OGA: variants seen among roughly 807,000 people sequenced by gnomAD.
OGA encodes the protein O-GlcNAcase.
Under a neutral mutation model 102.0 loss-of-function variants are expected in OGA, and 21 were observed. The observed-to-expected ratio is 0.21, with a 90% CI of 0.15 to 0.30. OGA has a LOEUF of 0.30. Ranked by LOEUF, OGA falls within the 10% of genes least tolerant of loss-of-function variation. The pLI is 1.00. For synonymous variants in OGA, 408 were observed against 378.2 expected, an observed-to-expected ratio of 1.08 and a Z score of -0.91; for missense variants, 765 against 1,107.8, an observed-to-expected ratio of 0.69 and a Z score of 4.39.
At chr10:101,813,700 A>G in intron 1 of OGA, 94 bp from the exon 2 acceptor site, 2 of 674,782 alleles carry the variant, frequency 3.0e-6, no homozygotes, top group South Asian at 4.6e-5. Context: ...ATACAATCCT[A>G]TTTTGTAAAA....
intron 7 of OGA, among the ~76,000 whole-genome samples, chr10:101,802,400 G>A (rs1438711859): frequency 7.9e-5 from 12 of 152,050 alleles, no homozygotes; most frequent in African/African-American, 7.2e-5. Flanking sequence ...ATGGCTGGGC[G>A]CGATGGCTCA....
intron 10 of OGA, among the ~76,000 whole-genome samples, chr10:101,794,589 T>C (rs151008408): frequency 2.6e-5 from 4 of 152,328 alleles, no homozygotes; most frequent in African/African-American, 9.6e-5. Context: ...TGGCTAATAA[T>C]ACCAGTCTGA....
intron 9 of OGA, 89 bp from the exon 10 acceptor site, chr10:101,798,243 C>A: frequency 8.5e-7 from 1 of 1,171,658 alleles, no homozygotes. Flanking sequence ...CTTATGTTGT[C>A]AGGTACTGGC....
chr10:101,795,329 G>A (rs980501511), intron 10 of OGA, among the ~76,000 whole-genome samples: 2 of 152,178 alleles, frequency 1.3e-5, no homozygotes, highest in African/African-American at 2.4e-5. Flanking sequence ...CTGCGCAAAC[G>A]TGACTTCAGT....
At chr10:101,813,263 A>G in intron 2 of OGA, 136 bp from the exon 3 acceptor site, 1 of 650,908 alleles carries the variant, frequency 1.5e-6, no homozygotes, top group South Asian at 2.1e-5. Context: ...ACCTTTTTGT[A>G]ATCAGTGGAA....
Position 101,804,267 on chromosome 10 carries a change from G to A in OGA, c.752-248C>T, listed in dbSNP as rs536187703. ...TATAACTTTTTATTGTTTTCCTTAC[G>A]TGTACTTTTTTTTTTTTTTTTTTGA... On this transcript the variant is annotated intron_variant, in intron 6 of 15. Transcript: ENST00000361464. Among the ~76,000 whole-genome samples, 74 of 147,674 alleles carry A rather than the reference G, an allele frequency of 5.0e-4. 1 individual carries two copies. Among genetic ancestry groups the A allele is most frequent in the Admixed American group, 3.9e-3 (58 of 14,838 alleles).
At chr10:101,801,116 CA>C (rs2065385847) in intron 7 of OGA, among the ~76,000 whole-genome samples, 1 of 151,880 alleles carries the variant, frequency 6.6e-6, no homozygotes, top group African/African-American at 2.4e-5. Context: ...AGAGGCCAGG[CA>C]TGGTGGCTCA....
At chr10:101,794,926 G>A (rs1341736134) in intron 10 of OGA, among the ~76,000 whole-genome samples, 2 of 152,184 alleles carry the variant, frequency 1.3e-5, no homozygotes, top group Non-Finnish European at 2.9e-5. Context: ...TCCTGTTCAA[G>A]TTAACAGTCT....
Position 101,818,442 on chromosome 10 carries a change from C to T in OGA, c.-420G>A, listed in dbSNP as rs1014044936. ...CTCCACCGCCCGCTTCCTGTTTATC[C>T]GCACTGCGCTTGCGCTGCAGACCGG... On this transcript the variant is annotated 5_prime_UTR_variant, in exon 1 of 16. Transcript: ENST00000361464. The T allele has an allele frequency of 1.2e-5, 12 of 1,005,792 alleles. No individual in the cohort carries two copies. The Admixed American group carries it at 5.8e-4, about 49-fold the overall frequency. 62.3% of individuals were successfully genotyped at this position (1,005,792 alleles called of 1,614,324 possible). A position where few individuals can be genotyped will look rare whatever the true frequency, so the allele number is the denominator to read the frequency against.
chr10:101,793,787 T>G (rs1005616346), intron 11 of OGA, 126 bp downstream of exon 11: 12 of 673,880 alleles, frequency 1.8e-5, no homozygotes, highest in Non-Finnish European at 2.8e-5. Flanking sequence ...TCCAGCTATG[T>G]AACTAAATTG....
rs578151709 is a variant in OGA at position 101,803,805 on chromosome 10, G to A, written c.966C>T (p.Tyr322=). 51 of 1,614,084 alleles carry A rather than the reference G, an allele frequency of 3.2e-5. No homozygotes were observed. In the East Asian group the frequency reaches 3.3e-4, roughly 11 times the overall value. Residue 322 remains tyrosine, a synonymous_variant, in exon 7 of 16, where the codon TAC becomes TAT. Coordinates refer to ENST00000361464, the MANE Select transcript of OGA (RefSeq NM_012215.5). ...AGGTGGCAAGGGTGTGGATAGCAAC[G>A]TAGTTGGCTTCAAATTCACAATTTG... ...TNPNCEFEAN[Y]VAIHTLATWY...
chr10:101,817,294 T>G (rs1203901361), intron 1 of OGA, among the ~76,000 whole-genome samples: 2 of 152,068 alleles, frequency 1.3e-5, no homozygotes, highest in African/African-American at 4.8e-5. Flanking sequence ...AGAGGGCAAT[T>G]TTCTAAGTTG....
chr10:101,801,555 G>A (rs1030682775), intron 7 of OGA, among the ~76,000 whole-genome samples: 5 of 152,036 alleles, frequency 3.3e-5, no homozygotes, highest in East Asian at 1.9e-4. Flanking sequence ...TATTTCCTAC[G>A]TATGTCCCAG....
At chr10:101,808,783 C>T (rs1212037302) in intron 4 of OGA, among the ~76,000 whole-genome samples, 6 of 152,110 alleles carry the variant, frequency 3.9e-5, no homozygotes, top group Non-Finnish European at 7.4e-5. Context: ...GCCTGGCAAA[C>T]ATGGTGAAAC....
intron 13 of OGA, 86 bp from the exon 14 acceptor site, chr10:101,791,174 G>A: frequency 1.4e-6 from 2 of 1,407,024 alleles, no homozygotes; most frequent in South Asian, 1.4e-5. Flanking sequence ...CACTGTACTT[G>A]CATGAACTTA....
rs188658116 is a variant in OGA at position 101,785,551 on chromosome 10, G to T, written c.*900C>A. On this transcript the variant is annotated 3_prime_UTR_variant, in exon 16 of 16. Coordinates refer to ENST00000361464, the MANE Select transcript of OGA (RefSeq NM_012215.5). The stretch of plus-strand genomic sequence containing the variant: ...TTAAGTCCTACAAAATTAGGCTCTC[G>T]TACCCCAAATGGTCATGGCCTACGC... 4 of 152,544 alleles carry T rather than the reference G, an allele frequency of 2.6e-5. No homozygotes were observed. The highest frequency in any genetic ancestry group is 2.6e-4 in the Admixed American group (4 of 15,288). 9.4% of individuals were successfully genotyped at this position (152,544 alleles called of 1,614,324 possible).
In OGA at chr10:101,807,774, T is replaced by A. The variant is rs763720317; in HGVS notation, c.608A>T (p.Tyr203Phe). 6.2e-7 allele frequency: 1 copy of A among 1,611,120 alleles called. No homozygotes were observed. The highest frequency in any genetic ancestry group is 1.7e-5 in the Admixed American group (1 of 59,324). ...HAQVSITNEI[Y>F]QYLGEPETFL... ...AGTTTCTGGCTCTCCTAGGTACTGA[T>A]AGATTTCATTTGTGATGGAGACTTG... is the stretch of plus-strand genomic sequence containing the variant. The change falls in exon 5 of 16, where the codon TAT becomes TTT. Residue 203 changes from tyrosine (Y) to phenylalanine (F), a missense_variant. By Grantham distance (22) the Tyr-to-Phe change is conservative. Transcript: ENST00000361464.
At chr10:101,802,141 T>C (rs2065401178) in intron 7 of OGA, among the ~76,000 whole-genome samples, 1 of 150,514 alleles carries the variant, frequency 6.6e-6, no homozygotes, top group Admixed American at 6.6e-5. Flanking sequence ...CGAGGCTCTG[T>C]CTCAAAGAAA....
chr10:101,794,382 C>T (rs2065292521), intron 10 of OGA, among the ~76,000 whole-genome samples: 1 of 152,062 alleles, frequency 6.6e-6, no homozygotes, highest in Admixed American at 6.5e-5. Context: ...ATTATCACAG[C>T]CCATGAAGGA....
Sources: gnomAD v4.1 joint callset for allele counts (sites outside exome capture counted in the v4.1 genomes callset) on GRCh38, gnomAD v4.1.1 for gene constraint, MANE v1.5 for transcripts, NCBI Gene and HGNC (gene_info 2026-07-23, HGNC 2026-07-21) for gene names.